WNK4: variants seen among roughly 807,000 people sequenced by gnomAD.
WNK4 encodes WNK lysine deficient protein kinase 4, also known as serine/threonine-protein kinase WNK4.
Under a neutral mutation model 116.2 loss-of-function variants are expected in WNK4, and 94 were observed. That is an observed-to-expected ratio of 0.81 (90% CI 0.68 to 0.96). The LOEUF is 0.96. WNK4 is among the 40% of genes least tolerant of loss of function. The pLI, the probability that WNK4 is intolerant of heterozygous loss-of-function variation, is 0.00. For missense variants in WNK4, 1,542 were observed against 1,650.6 expected (o/e 0.93, Z 1.14); for synonymous variants, 655 against 672.7 (o/e 0.97, Z 0.41).
chr17:42,796,367 T>C, intron 17 of WNK4, 45 bp downstream of exon 17: 1 of 1,610,144 alleles, frequency 6.2e-7, no homozygotes, highest in Non-Finnish European at 8.5e-7. Context: ...CTGAGACCCC[T>C]TTCTGTCGAC....
intron 6 of WNK4, 49 bp downstream of exon 6, chr17:42,785,531 A>C (rs1450022947): frequency 6.5e-7 from 1 of 1,547,420 alleles, no homozygotes; most frequent in South Asian, 1.2e-5. Flanking sequence ...AAGGACATTG[A>C]CTCGAGGGGA....
rs550066113 is a variant in WNK4 at position 42,786,434 on chromosome 17, C to G, written c.1477-844C>G. On this transcript the variant is annotated intron_variant, in intron 6 of 18. Transcript: ENST00000246914. The stretch of plus-strand genomic sequence containing the variant: ...GAGTAATGGAGTCTCACTCTGTCAC[C>G]CAGGCTGGAGTGCAGTGGCGCTATC... Among the ~76,000 whole-genome samples the G allele has an allele frequency of 9.2e-5, 14 of 152,242 alleles. No individual in the cohort carries two copies. The South Asian group carries it at 2.5e-3, about 27-fold the overall frequency.
intron 11 of WNK4, among the ~76,000 whole-genome samples, chr17:42,790,542 G>A (rs1181414482): frequency 6.6e-6 from 1 of 152,060 alleles, no homozygotes; most frequent in African/African-American, 2.4e-5. Context: ...AGTGAAGGGA[G>A]ATGAGCCGGC....
At position 42,780,611 on chromosome 17, in the gene WNK4, G is replaced by T; in HGVS notation, c.-88G>T. 1 of 1,553,510 alleles carries T rather than the reference G, an allele frequency of 6.4e-7. No individual in the cohort carries two copies. ...GGCTGGGGCCGCAGCCGCTCAGCCG[G>T]AGCGCAGCGCACCCAGCGAGTCCGT... On this transcript the variant is annotated 5_prime_UTR_variant, in exon 1 of 19. Transcript: ENST00000246914.
rs1597898554 is a variant in WNK4 at position 42,787,631 on chromosome 17, AC to A, written c.1741+92del. 6 of 1,594,628 alleles carry A rather than the reference AC, an allele frequency of 3.8e-6. No homozygotes were observed. In the East Asian group the frequency reaches 1.3e-4, roughly 36 times the overall value. On this transcript the variant is annotated intron_variant, in intron 7 of 18. Coordinates refer to ENST00000246914, the MANE Select transcript of WNK4 (RefSeq NM_032387.5). Reference sequence around the variant, plus strand: ...AAGTTCACCCCCACAGCAGTCACTTACCCTGCCTTCCACCTCTAGCCATGAA... The same window carrying A: ...AAGTTCACCCCCACAGCAGTCACTTACCTGCCTTCCACCTCTAGCCATGAA...
chr17:42,786,321 G>T (rs1056874709), intron 6 of WNK4, among the ~76,000 whole-genome samples: 2 of 152,222 alleles, frequency 1.3e-5, no homozygotes, highest in African/African-American at 4.8e-5. Context: ...ATGGAAGCTG[G>T]TAGAAGGGGA....
Position 42,794,935 on chromosome 17 carries a change from C to G in WNK4, c.2514C>G (p.Pro838=). 6.2e-7 allele frequency: 1 copy of G among 1,612,594 alleles called. No individual in the cohort carries two copies. Among genetic ancestry groups the G allele is most frequent in the East Asian group, 2.2e-5 (1 of 44,778 alleles). The change falls in exon 14 of 19, where the codon CCC becomes CCG. Residue 838 remains proline (P), a synonymous_variant. Coordinates refer to ENST00000246914, the MANE Select transcript of WNK4 (RefSeq NM_032387.5). ...IFPITSPPCH[P]SPSPFSPISS... is the part of the protein sequence containing the mutation. The stretch of plus-strand genomic sequence containing the variant: ...CCATCACTTCTCCCCCATGTCATCC[C>G]AGCCCCTCCCCATTCTCCCCCATTT...
Position 42,784,214 on chromosome 17 carries a change from C to A in WNK4, c.1012+57C>A, listed in dbSNP as rs540080053. 69 of 1,594,332 alleles carry A rather than the reference C, an allele frequency of 4.3e-5. 1 individual carries two copies. In the South Asian group the frequency reaches 7.4e-4, roughly 17 times the overall value. On this transcript the variant is annotated intron_variant, in intron 3 of 18. Coordinates refer to ENST00000246914, the MANE Select transcript of WNK4 (RefSeq NM_032387.5). The surrounding 1 kb of genome is among the most constrained non-coding windows in gnomAD (Gnocchi z 4.4). ...CTTCCTCCCCCACCTCAGAAGAGAA[C>A]CTGGGGACTCCCTCCCCTCAGCAAG...
At position 42,784,361 on chromosome 17, in the gene WNK4, C is replaced by A. The variant is rs2054518207; in HGVS notation, c.1013-61C>A. Reference sequence around the variant, plus strand: ...CGCAGGGTTGCCTGGGGCTGCCTAGCCCAGTGGGAAGGACGAGGCCAGAGT... The same window carrying A: ...CGCAGGGTTGCCTGGGGCTGCCTAGACCAGTGGGAAGGACGAGGCCAGAGT... On this transcript the variant is annotated intron_variant, in intron 3 of 18. Transcript: ENST00000246914. This position sits in a 1 kb window ranked among gnomAD's most constrained non-coding sequence, Gnocchi z 4.4. 1 of 1,593,684 alleles carries A rather than the reference C, an allele frequency of 6.3e-7. No homozygotes were observed. The highest frequency in any genetic ancestry group is 1.3e-5 in the African/African-American group (1 of 74,172).
intron 11 of WNK4, among the ~76,000 whole-genome samples, chr17:42,790,739 C>T (rs139145270): frequency 1.5e-3 from 234 of 152,174 alleles, no homozygotes; most frequent in Non-Finnish European, 2.6e-3. Context: ...CAGGCAAGAC[C>T]ACACTGGCTT....
At position 42,795,157 on chromosome 17, in the gene WNK4, T is replaced by TAAG; in HGVS notation, c.2736_2737insAAG (p.Thr912_Ser913insLys). Reference sequence around the variant, plus strand: ...CTTTCTTTCCTCCGTGCCCCTCCACTTCTTCCTTCCCCTCCACCACAGCAG... The same window carrying TAAG: ...CTTTCTTTCCTCCGTGCCCCTCCACTAAGTCTTCCTTCCCCTCCACCACAGCAG... On this transcript the variant is annotated inframe_insertion, in exon 14 of 19. Coordinates refer to ENST00000246914, the MANE Select transcript of WNK4 (RefSeq NM_032387.5). 1 of 1,614,028 alleles carries TAAG rather than the reference T, an allele frequency of 6.2e-7. No homozygotes were observed. Among genetic ancestry groups the TAAG allele is most frequent in the Non-Finnish European group, 8.5e-7 (1 of 1,179,988 alleles).
chr17:42,794,230 A>G (rs890899595), intron 12 of WNK4: 5 of 332,218 alleles, frequency 1.5e-5, no homozygotes, highest in South Asian at 6.2e-5. Context: ...TGTTCAATAC[A>G]TACTTTTCTT....
At chr17:42,781,378 AGACAGAG>A in intron 1 of WNK4, 62 bp downstream of exon 1, 1 of 1,608,796 alleles carries the variant, frequency 6.2e-7, no homozygotes, top group East Asian at 2.2e-5. Context: ...TTAGGATGAC[AGACAGAG>A]GGTGGGGGAG....
At chr17:42,783,596 A>T (rs2054507829) in intron 2 of WNK4, 1 of 377,410 alleles carries the variant, frequency 2.6e-6, no homozygotes, top group South Asian at 2.6e-5. Context: ...TTCACCTTTG[A>T]GCTCCTACTC....
chr17:42,787,258 AT>A lies in WNK4; in HGVS notation c.1477-19del. On this transcript the variant is annotated intron_variant, in intron 6 of 18. Coordinates refer to ENST00000246914, the MANE Select transcript of WNK4 (RefSeq NM_032387.5). ...TAGGGGGTCCCAAGCTGTGTTCCTCATCCCCCACCCCAATTCCAGGTGGCTC... is the reference window on the plus strand; with the variant it reads ...TAGGGGGTCCCAAGCTGTGTTCCTCACCCCCACCCCAATTCCAGGTGGCTC... The A allele has an allele frequency of 1.2e-6, 2 of 1,613,314 alleles. No homozygotes were observed. Among genetic ancestry groups the A allele is most frequent in the Non-Finnish European group, 1.7e-6 (2 of 1,180,014 alleles).
At position 42,784,124 on chromosome 17, in the gene WNK4, C is replaced by G. The variant is rs1257580982; in HGVS notation, c.979C>G (p.Leu327Val). The G allele has an allele frequency of 6.2e-7, 1 of 1,608,782 alleles. No homozygotes were observed. The highest frequency in any genetic ancestry group is 8.5e-7 in the Non-Finnish European group (1 of 1,180,016). ...VKIGDLGLATLKRASFAKSVI... is the reference protein window; with the variant it reads ...VKIGDLGLATVKRASFAKSVI... ...AATCGGGGACCTGGGCCTGGCCACG[C>G]TCAAGCGCGCCTCCTTTGCCAAGAG... is the stretch of plus-strand genomic sequence containing the variant. The change falls in exon 3 of 19, where the codon CTC becomes GTC. Residue 327 changes from leucine to valine, a missense_variant. Transcript: ENST00000246914. The surrounding 1 kb of genome is among the most constrained non-coding windows in gnomAD (Gnocchi z 4.4).
At chr17:42,788,454 G>A (rs780733074) in intron 10 of WNK4, 47 bp downstream of exon 10, 51 of 1,591,738 alleles carry the variant, frequency 3.2e-5, no homozygotes, top group Non-Finnish European at 4.3e-5. Flanking sequence ...AGGGCCAGGA[G>A]GGAAGTGTCA....
chr17:42,794,802 A>C lies in WNK4; in HGVS notation c.2381A>C (p.His794Pro). The change falls in exon 14 of 19, where the codon CAC (histidine) becomes CCC (proline). Residue 794 changes from histidine to proline, a missense_variant. Coordinates refer to ENST00000246914, the MANE Select transcript of WNK4 (RefSeq NM_032387.5). Reference protein sequence around the residue: ...EELQSSTSLEHRSWTAFSTSS... With the variant: ...EELQSSTSLEPRSWTAFSTSS... Reference sequence around the variant, plus strand: ...CTCCAGAGCAGCACCTCCCTGGAGCACAGGAGCTGGACAGCCTTCTCCACC... The same window carrying C: ...CTCCAGAGCAGCACCTCCCTGGAGCCCAGGAGCTGGACAGCCTTCTCCACC... 1 of 1,613,986 alleles carries C rather than the reference A, an allele frequency of 6.2e-7. No homozygotes were observed. The highest frequency in any genetic ancestry group is 8.5e-7 in the Non-Finnish European group (1 of 1,179,996).
chr17:42,792,214 C>T (rs894622172), intron 11 of WNK4, among the ~76,000 whole-genome samples: 3 of 152,128 alleles, frequency 2.0e-5, no homozygotes, highest in African/African-American at 7.2e-5. Context: ...TGTTCTGATA[C>T]GACACAGTGT....
Sources: allele counts gnomAD v4.1 joint callset (sites outside exome capture counted in the v4.1 genomes callset), GRCh38; gene constraint gnomAD v4.1.1; non-coding constraint Gnocchi (gnomAD v3.1); transcripts MANE v1.5; gene names NCBI Gene and HGNC (gene_info 2026-07-23, HGNC 2026-07-21).